The following WDR27 variants were observed in gnomAD, a reference collection of about 807,000 sequenced individuals.
WDR27 encodes the protein WD repeat domain 27, also known as WD repeat-containing protein 27.
In WDR27, 100 loss-of-function variants were observed where a neutral mutation model predicts 114.4. The observed-to-expected ratio is 0.87, with a 90% confidence interval of 0.74 to 1.03. The LOEUF is 1.03. Among genes scored for constraint, WDR27 ranks in the 50% least tolerant of loss-of-function variants. WDR27 has a pLI of 0.00. For missense variants in WDR27, 1,129 were observed against 1,092.9 expected (o/e 1.03, Z -0.47); for synonymous variants, 449 against 423.1 (o/e 1.06, Z -0.75).
chr6:169,636,800 A>G (rs2128221755), intron 18 of WDR27, among the ~76,000 whole-genome samples: 1 of 152,356 alleles, frequency 6.6e-6, no homozygotes, highest in Non-Finnish European at 1.5e-5. Context: ...TTAAAGCTGA[A>G]ATTCAAAATG....
chr6:169,627,726 T>C (rs903149327), intron 21 of WDR27, among the ~76,000 whole-genome samples: 1 of 152,130 alleles, frequency 6.6e-6, no homozygotes, highest in Non-Finnish European at 1.5e-5. Flanking sequence ...AGATACTGGG[T>C]TCAGTTGAGA....
intron 24 of WDR27, among the ~76,000 whole-genome samples, chr6:169,580,453 C>T (rs1584362323): frequency 6.6e-6 from 1 of 152,324 alleles, no homozygotes; most frequent in East Asian, 1.9e-4. Flanking sequence ...GGTTAATTTT[C>T]AGAGTTCTAA....
chr6:169,677,023 C>T (rs1780238264), intron 2 of WDR27, among the ~76,000 whole-genome samples: 1 of 151,980 alleles, frequency 6.6e-6, no homozygotes, highest in South Asian at 2.1e-4. Context: ...TCATGAAAGG[C>T]CTAATACAGA....
At chr6:169,612,866 A>G (rs9383472) in intron 22 of WDR27, among the ~76,000 whole-genome samples, 14,277 of 152,244 alleles carry the variant, frequency 0.094, 1,740 homozygotes, top group East Asian at 0.58. Context: ...CATGTGCAAC[A>G]TGATTGCTCA....
At chr6:169,486,440 C>T (rs1788909097) in intron 25 of WDR27, among the ~76,000 whole-genome samples, 2 of 152,238 alleles carry the variant, frequency 1.3e-5, no homozygotes, top group African/African-American at 4.8e-5. Flanking sequence ...CTTGCAGGCT[C>T]CGGCAGCCTT....
At chr6:169,670,457 TA>T (rs200276045) in intron 4 of WDR27, 111 bp downstream of exon 4, 1,549 of 1,221,710 alleles carry the variant, frequency 1.3e-3, no homozygotes, top group South Asian at 1.6e-3. Flanking sequence ...AGATATAGCT[TA>T]AAAAAAAAGG....
At chr6:169,629,440 T>C (rs1022203044) in intron 21 of WDR27, among the ~76,000 whole-genome samples, 17 of 152,318 alleles carry the variant, frequency 1.1e-4, no homozygotes, top group Admixed American at 5.2e-4. Flanking sequence ...TAGGGATTTA[T>C]AATGGAAATG....
chr6:169,517,615 CA>C (rs1177090821), intron 25 of WDR27, among the ~76,000 whole-genome samples: 1 of 152,182 alleles, frequency 6.6e-6, no homozygotes, highest in African/African-American at 2.4e-5. Flanking sequence ...CTATTCAACT[CA>C]AAAGACTCCC....
chr6:169,606,889 A>G (rs533057600), intron 22 of WDR27, among the ~76,000 whole-genome samples: 1 of 152,204 alleles, frequency 6.6e-6, no homozygotes, highest in Non-Finnish European at 1.5e-5. Context: ...TAAATGCCAC[A>G]TTGTCTTCCA....
At chr6:169,456,843 G>A (rs1784367792), downstream of WDR27, among the ~76,000 whole-genome samples, 4 of 149,814 alleles carry the variant, frequency 2.7e-5, no homozygotes, top group South Asian at 8.6e-4. The surrounding 1 kb of genome is among the most constrained non-coding windows in gnomAD (Gnocchi z 4.0). Flanking sequence ...CACGGACACA[G>A]CCCATGCTCA....
intron 25 of WDR27, among the ~76,000 whole-genome samples, chr6:169,525,871 T>C (rs535706809): frequency 6.6e-6 from 1 of 152,194 alleles, no homozygotes; most frequent in East Asian, 1.9e-4. Context: ...ATAAAGAAAA[T>C]GTGGTATATA....
intron 25 of WDR27, among the ~76,000 whole-genome samples, chr6:169,487,106 C>T (rs959466284): frequency 2.6e-5 from 4 of 152,134 alleles, no homozygotes; most frequent in African/African-American, 7.2e-5. Context: ...AGGAAAGTTA[C>T]GGAGTCTCAC....
intron 1 of WDR27, among the ~76,000 whole-genome samples, chr6:169,697,485 G>A (rs1395104805): frequency 6.6e-6 from 1 of 152,144 alleles, no homozygotes; most frequent in African/African-American, 2.4e-5. Flanking sequence ...ACCTCTTGTG[G>A]AGGGCCCGAC....
At chr6:169,573,554 G>A (rs936247012) in intron 24 of WDR27, among the ~76,000 whole-genome samples, 2 of 152,122 alleles carry the variant, frequency 1.3e-5, no homozygotes, top group African/African-American at 2.4e-5. Flanking sequence ...GGGAGCACAC[G>A]GGGGACCTGG....
chr6:169,632,189 CAAA>C (rs1012298678), intron 21 of WDR27, among the ~76,000 whole-genome samples: 66 of 63,896 alleles, frequency 1.0e-3, no homozygotes, highest in Non-Finnish European at 1.7e-3. Flanking sequence ...GACTCTGTCT[CAAA>C]AAAAAAAAAA....
At position 169,681,282 on chromosome 6, in the gene WDR27, G is replaced by A. The variant is rs376942195; in HGVS notation, c.189+7535C>T. Among the ~76,000 whole-genome samples, 52 of 152,248 alleles carry A rather than the reference G, an allele frequency of 3.4e-4. No individual in the cohort carries two copies. In the South Asian group the frequency reaches 4.2e-3, roughly 12 times the overall value. ...AAGCCAGACAAAATGAGTAAGTATCGGACATCACCAAGCTGGTGAAATAGA... is the reference window on the plus strand; with the variant it reads ...AAGCCAGACAAAATGAGTAAGTATCAGACATCACCAAGCTGGTGAAATAGA... On this transcript the variant is annotated intron_variant, in intron 2 of 25. Transcript: ENST00000448612.
intron 1 of WDR27, chr6:169,689,243 T>A (rs555106600): frequency 2.5e-6 from 1 of 394,560 alleles, no homozygotes; most frequent in Non-Finnish European, 4.6e-6. Flanking sequence ...TAAGCAAACC[T>A]TGACTCAAAT....
chr6:169,552,353 C>T (rs182661422), intron 25 of WDR27, among the ~76,000 whole-genome samples: 3 of 152,184 alleles, frequency 2.0e-5, no homozygotes, highest in Admixed American at 6.5e-5. Flanking sequence ...AACACAAACA[C>T]GCTGAAACGC....
At chr6:169,693,165 A>G in intron 1 of WDR27, among the ~76,000 whole-genome samples, 1 of 152,222 alleles carries the variant, frequency 6.6e-6, no homozygotes, top group East Asian at 1.9e-4. Context: ...TTTACAAGCC[A>G]GTAGGGATTG....
Sources: gnomAD v4.1 joint callset for allele counts (sites outside exome capture counted in the v4.1 genomes callset) on GRCh38, gnomAD v4.1.1 for gene constraint, Gnocchi (gnomAD v3.1) non-coding constraint, MANE v1.5 for transcripts, NCBI Gene and HGNC (gene_info 2026-07-23, HGNC 2026-07-21) for gene names.